Variants in MAP3K5 observed in about 807,000 individuals in gnomAD.
MAP3K5 encodes the protein ASK-1.
In MAP3K5, 56 loss-of-function variants were observed where a neutral mutation model predicts 158.7. The observed-to-expected ratio is 0.35, with a 90% confidence interval of 0.28 to 0.44. The LOEUF is 0.44. MAP3K5 is among the 20% of genes least tolerant of loss of function. The pLI is 1.00. For synonymous variants in MAP3K5, 579 were observed against 601.7 expected (o/e 0.96, Z 0.55); for missense variants, 1,294 against 1,674.8 (o/e 0.77, Z 3.97).
At chr6:136,705,624 C>T (rs959505599) in intron 2 of MAP3K5, among the ~76,000 whole-genome samples, 12 of 152,012 alleles carry the variant, frequency 7.9e-5, no homozygotes, top group Non-Finnish European at 1.8e-4. Flanking sequence ...TTACAATCTG[C>T]GGAGGAGACA....
chr6:136,768,921 A>AG (rs1415865079), intron 1 of MAP3K5, among the ~76,000 whole-genome samples: 2 of 151,998 alleles, frequency 1.3e-5, no homozygotes, highest in African/African-American at 4.8e-5. Context: ...CATGTCAAAA[A>AG]AAAAAAAAGA....
intron 7 of MAP3K5, among the ~76,000 whole-genome samples, chr6:136,687,863 G>A (rs938557875): frequency 2.6e-5 from 4 of 152,132 alleles, no homozygotes; most frequent in Admixed American, 6.5e-5. Context: ...ACAGTGTGGC[G>A]ATTCCTCAAG....
intron 1 of MAP3K5, among the ~76,000 whole-genome samples, chr6:136,728,902 T>G (rs1410388504): frequency 6.6e-6 from 1 of 151,834 alleles, no homozygotes; most frequent in Non-Finnish European, 1.5e-5. Context: ...TGAGAGCCAC[T>G]ACACTTACAA....
At chr6:136,635,056 A>G (rs1301437591) in intron 14 of MAP3K5, among the ~76,000 whole-genome samples, 1 of 151,136 alleles carries the variant, frequency 6.6e-6, no homozygotes, top group Non-Finnish European at 1.5e-5. Context: ...TGGCTAGGCT[A>G]TGCATATTTT....
rs140774915 is a variant in MAP3K5, at chr6:136,743,423, C to T, written c.449-22834G>A. Reference sequence around the variant, plus strand: ...CAAGATCGCGAAACTGCACTCCAGCCTGGGTAACAGAGCAAGACTCTGTCT... The same window carrying T: ...CAAGATCGCGAAACTGCACTCCAGCTTGGGTAACAGAGCAAGACTCTGTCT... On this transcript the variant is annotated intron_variant, in intron 1 of 29. Transcript: ENST00000359015. 6.8e-3 allele frequency among the ~76,000 whole-genome samples: 1,039 copies of T among 152,140 alleles called. 11 individuals carry two copies. Among genetic ancestry groups the T allele is most frequent in the African/African-American group, 0.023 (956 of 41,496 alleles).
Position 136,558,812 on chromosome 6 carries a change from C to A in MAP3K5, c.4052G>T (p.Cys1351Phe), listed in dbSNP as rs377091462. The change falls in exon 29 of 30, where the codon TGC becomes TTC. Residue 1351 changes from cysteine (C) to phenylalanine (F), a missense_variant. Around this residue, in one of 5 missense-constraint regions of MAP3K5, gnomAD observed 199 missense variants for 220.3 expected, o/e 0.90. Coordinates refer to ENST00000359015, the MANE Select transcript of MAP3K5 (RefSeq NM_005923.4). ...AGAAAAGTGGTACCTTAGTCTCAAG[C>A]ATTTTAAGTCATCACGTGTAACATA... ...LYYVTRDDLK[C>F]LRLRGGMLCT... The A allele has an allele frequency of 2.5e-5, 40 of 1,596,668 alleles. No individual in the cohort carries two copies. Among genetic ancestry groups the A allele is most frequent in the Non-Finnish European group, 3.0e-5 (35 of 1,164,848 alleles).
At chr6:136,754,276 A>G (rs1028154707) in intron 1 of MAP3K5, among the ~76,000 whole-genome samples, 1 of 148,254 alleles carries the variant, frequency 6.7e-6, no homozygotes, top group African/African-American at 2.5e-5. Flanking sequence ...CGATAAAAAA[A>G]AAAAAGAAAA....
At chr6:136,559,863 T>A (rs973894366) in intron 28 of MAP3K5, among the ~76,000 whole-genome samples, 7 of 152,050 alleles carry the variant, frequency 4.6e-5, no homozygotes, top group African/African-American at 1.4e-4. Context: ...ATAAAAAGGG[T>A]GATTATTTAG....
intron 1 of MAP3K5, among the ~76,000 whole-genome samples, chr6:136,767,520 A>C (rs1325255413): frequency 6.6e-6 from 1 of 152,196 alleles, no homozygotes; most frequent in African/African-American, 2.4e-5. Flanking sequence ...TTCACTGATC[A>C]GTTCAGTAGT....
intron 1 of MAP3K5, among the ~76,000 whole-genome samples, chr6:136,743,216 C>T (rs1782786227): frequency 6.6e-6 from 1 of 152,148 alleles, no homozygotes; most frequent in Non-Finnish European, 1.5e-5. Flanking sequence ...TTTGGGAGGC[C>T]GAGGCGGGTA....
intron 21 of MAP3K5, among the ~76,000 whole-genome samples, chr6:136,598,758 A>C (rs1264716601): frequency 6.6e-6 from 1 of 152,212 alleles, no homozygotes; most frequent in African/African-American, 2.4e-5. Flanking sequence ...GCCTATAGAA[A>C]GTACCTGGGG....
In MAP3K5 at chr6:136,693,922, A is replaced by C. The variant is rs566240685; in HGVS notation, c.1253+218T>G. ...AGAATCGCTTGAACCTGGGAGGCAGAGGTTGCAGTGAGCTAAGATCACATG... is the reference window on the plus strand; with the variant it reads ...AGAATCGCTTGAACCTGGGAGGCAGCGGTTGCAGTGAGCTAAGATCACATG... On this transcript the variant is annotated intron_variant, in intron 7 of 29. Coordinates refer to ENST00000359015, the MANE Select transcript of MAP3K5 (RefSeq NM_005923.4). Among the ~76,000 whole-genome samples the C allele has an allele frequency of 1.2e-4, 18 of 152,372 alleles. No individual in the cohort carries two copies. In the South Asian group the frequency reaches 2.7e-3, roughly 23 times the overall value.
chr6:136,679,117 G>C (rs994917453), intron 7 of MAP3K5, among the ~76,000 whole-genome samples: 23 of 152,212 alleles, frequency 1.5e-4, no homozygotes, highest in Non-Finnish European at 2.8e-4. Context: ...ATAGGTTTTT[G>C]TTCCAGAATT....
At chr6:136,730,918 C>T (rs1020720785) in intron 1 of MAP3K5, among the ~76,000 whole-genome samples, 7 of 152,018 alleles carry the variant, frequency 4.6e-5, no homozygotes, top group African/African-American at 1.5e-4. Flanking sequence ...TATTTGTAAA[C>T]CATTAACAGC....
chr6:136,785,510 C>G (rs1562705688), intron 1 of MAP3K5, among the ~76,000 whole-genome samples: 1 of 152,150 alleles, frequency 6.6e-6, no homozygotes, highest in Non-Finnish European at 1.5e-5. Flanking sequence ...GGGAAGCAGG[C>G]AGCCAAGCTA....
chr6:136,626,185 A>G (rs780032747), intron 14 of MAP3K5, among the ~76,000 whole-genome samples: 2 of 152,196 alleles, frequency 1.3e-5, no homozygotes, highest in Non-Finnish European at 2.9e-5. Context: ...TTTGTTTCCA[A>G]CAGGTTTTCA....
intron 12 of MAP3K5, among the ~76,000 whole-genome samples, chr6:136,641,243 T>C (rs373955011): frequency 2.6e-5 from 4 of 152,278 alleles, no homozygotes; most frequent in East Asian, 3.9e-4. Flanking sequence ...AGGTAACAGG[T>C]AGCTTTACCA....
At chr6:136,560,084 A>C (rs1054636623) in intron 28 of MAP3K5, among the ~76,000 whole-genome samples, 14 of 152,240 alleles carry the variant, frequency 9.2e-5, no homozygotes, top group African/African-American at 3.4e-4. Flanking sequence ...AAACAAAACA[A>C]TATTGTATTA....
chr6:136,630,016 G>A (rs1316109683), intron 14 of MAP3K5, among the ~76,000 whole-genome samples: 4 of 152,010 alleles, frequency 2.6e-5, no homozygotes, highest in African/African-American at 9.7e-5. Flanking sequence ...CTCCCAAAGT[G>A]CTGGGATTAC....
Sources: allele counts gnomAD v4.1 joint callset (sites outside exome capture counted in the v4.1 genomes callset), GRCh38; gene constraint gnomAD v4.1.1; regional missense constraint gnomAD v4.1.1; transcripts MANE v1.5; gene names NCBI Gene and HGNC (gene_info 2026-07-23, HGNC 2026-07-21).